GMDS: variants seen among roughly 807,000 people sequenced by gnomAD.
The protein encoded by GMDS is GDP-mannose 4,6-dehydratase.
A neutral mutation model predicts 49.9 loss-of-function variants in GMDS; 20 were observed. That is an observed-to-expected ratio of 0.40 (90% CI 0.28 to 0.58). The LOEUF (loss-of-function observed/expected upper bound fraction) is 0.58. GMDS is among the 20% of genes least tolerant of loss of function. The pLI is 0.42. For missense variants in GMDS, 362 were observed against 481.4 expected (o/e 0.75, Z 2.32); for synonymous variants, 177 against 178.6 (o/e 0.99, Z 0.07).
intron 9 of GMDS, among the ~76,000 whole-genome samples, chr6:1,659,710 T>C (rs1317594730): frequency 6.6e-6 from 1 of 152,050 alleles, no homozygotes; most frequent in Admixed American, 6.5e-5. Flanking sequence ...CAGAGGACAC[T>C]TTTCACCCTG....
At chr6:1,825,077 T>C (rs1185843489) in intron 7 of GMDS, among the ~76,000 whole-genome samples, 1 of 152,218 alleles carries the variant, frequency 6.6e-6, no homozygotes, top group Non-Finnish European at 1.5e-5. Context: ...GTGGAAGAAC[T>C]ACAGAGATGT....
chr6:2,225,571 T>C (rs545479613), intron 1 of GMDS, among the ~76,000 whole-genome samples: 1 of 152,284 alleles, frequency 6.6e-6, no homozygotes, highest in Middle Eastern at 3.4e-3. Flanking sequence ...GACGAATCAT[T>C]TGCCAACCCT....
rs778414818 is a variant in GMDS at position 1,766,144 on chromosome 6, G to A, written c.772-23558C>T. On this transcript the variant is annotated intron_variant, in intron 7 of 10. Transcript: ENST00000380815. This position sits in a 1 kb window ranked among gnomAD's most constrained non-coding sequence, Gnocchi z 4.5. ...AGGATGATTCATGGATTCGCTGCCC[G>A]TCTGTTTAAATGTAATACTCTTTCA... Among the ~76,000 whole-genome samples the A allele has an allele frequency of 7.9e-4, 121 of 152,284 alleles. No individual in the cohort carries two copies. Among genetic ancestry groups the A allele is most frequent in the Non-Finnish European group, 1.5e-3 (103 of 68,030 alleles).
intron 1 of GMDS, 61 bp from the exon 2 acceptor site, chr6:2,124,792 G>A (rs1336974003): frequency 1.5e-6 from 2 of 1,303,630 alleles, no homozygotes; most frequent in Admixed American, 1.8e-5. Flanking sequence ...AGGTGGTCTA[G>A]ATGAAGAGTT....
chr6:2,119,285 T>G (rs1400980796), intron 2 of GMDS, among the ~76,000 whole-genome samples: 1 of 152,186 alleles, frequency 6.6e-6, no homozygotes, highest in Admixed American at 6.5e-5. Flanking sequence ...TAAATGATTT[T>G]GATGCATTCC....
intron 1 of GMDS, among the ~76,000 whole-genome samples, chr6:2,209,423 G>A (rs1209698234): frequency 6.6e-6 from 1 of 152,216 alleles, no homozygotes; most frequent in Non-Finnish European, 1.5e-5. Context: ...CCTTCCCCCT[G>A]CAGGGGGAGT....
intron 1 of GMDS, among the ~76,000 whole-genome samples, chr6:2,169,305 T>A (rs1039693047): frequency 6.6e-6 from 1 of 151,656 alleles, no homozygotes; most frequent in Admixed American, 6.6e-5. Flanking sequence ...TAAGAAAGAG[T>A]TCCTTCAACA....
chr6:1,928,225 C>T (rs1286670426), intron 7 of GMDS, among the ~76,000 whole-genome samples: 2 of 151,994 alleles, frequency 1.3e-5, no homozygotes, highest in Non-Finnish European at 2.9e-5. Context: ...ATTAGCTGGG[C>T]GTCGTGGTAC....
At chr6:1,753,038 T>C (rs865912181) in intron 7 of GMDS, among the ~76,000 whole-genome samples, 22 of 152,288 alleles carry the variant, frequency 1.4e-4, no homozygotes, top group South Asian at 6.2e-4. Context: ...ATAACAATAG[T>C]AACCTTAAAT....
At chr6:1,776,848 CA>C in intron 7 of GMDS, among the ~76,000 whole-genome samples, 1 of 152,236 alleles carries the variant, frequency 6.6e-6, no homozygotes, top group South Asian at 2.1e-4. Context: ...GACCATTAAA[CA>C]GGAAATGCGC....
At chr6:2,109,955 C>A (rs1286050315) in intron 4 of GMDS, among the ~76,000 whole-genome samples, 1 of 152,196 alleles carries the variant, frequency 6.6e-6, no homozygotes, top group Non-Finnish European at 1.5e-5. Flanking sequence ...CTTTCCTGCT[C>A]TACTCACACC....
At chr6:2,011,713 G>A (rs1050285099) in intron 4 of GMDS, among the ~76,000 whole-genome samples, 4 of 152,274 alleles carry the variant, frequency 2.6e-5, no homozygotes, top group South Asian at 2.1e-4. Flanking sequence ...CAAGGAGTTC[G>A]TGACCATCCT....
intron 7 of GMDS, among the ~76,000 whole-genome samples, chr6:1,782,897 T>C (rs1769165339): frequency 6.6e-6 from 1 of 152,230 alleles, no homozygotes; most frequent in Admixed American, 6.5e-5. Flanking sequence ...CTCATGCCTG[T>C]AATCCCAAAA....
chr6:1,999,991 ATATAT>A lies in GMDS; in HGVS notation c.346-39030_346-39026del, dbSNP rs1385978734. Among the ~76,000 whole-genome samples the A allele has an allele frequency of 1.3e-3, 21 of 15,992 alleles. 2 individuals carry two copies. The highest frequency in any genetic ancestry group is 2.4e-3 in the Non-Finnish European group (17 of 7,224). The allele number at this position is 15,992 out of a possible 152,430, so 10.5% of individuals were successfully genotyped here. A position where few individuals can be genotyped will look rare whatever the true frequency, so the allele number is the denominator to read the frequency against. On this transcript the variant is annotated intron_variant, in intron 4 of 10. Transcript: ENST00000380815. ...TATATTATATATATATTTTATATATATATATTATATATATATATTTTTTATATATA... is the reference window on the plus strand; with the variant it reads ...TATATTATATATATATTTTATATATATATATATATATATTTTTTATATATA...
At chr6:2,129,648 C>T (rs191362067) in intron 1 of GMDS, among the ~76,000 whole-genome samples, 2 of 152,282 alleles carry the variant, frequency 1.3e-5, no homozygotes, top group East Asian at 1.9e-4. Flanking sequence ...TCTTTAACTC[C>T]ATGTTGTCTA....
At chr6:1,764,929 T>C (rs1768291002) in intron 7 of GMDS, among the ~76,000 whole-genome samples, 1 of 152,184 alleles carries the variant, frequency 6.6e-6, no homozygotes, top group East Asian at 1.9e-4. Flanking sequence ...TATAGGTAGA[T>C]AGTTCAGAGG....
intron 8 of GMDS, among the ~76,000 whole-genome samples, chr6:1,741,827 A>G (rs1335047417): frequency 2.7e-5 from 4 of 150,640 alleles, no homozygotes; most frequent in Admixed American, 1.3e-4. Flanking sequence ...AAAAAAAAAA[A>G]AAAAAAAAAA....
chr6:1,849,453 C>A (rs1273129513), intron 7 of GMDS, among the ~76,000 whole-genome samples: 1 of 152,150 alleles, frequency 6.6e-6, no homozygotes, highest in Non-Finnish European at 1.5e-5. Context: ...GATGCTCTTT[C>A]TTAAAGGAGG....
rs144006335 is a variant in GMDS at position 1,681,793 on chromosome 6, G to A, written c.987+44623C>T. Among the ~76,000 whole-genome samples, 1,496 of 152,324 alleles carry A rather than the reference G, an allele frequency of 9.8e-3. 32 individuals are homozygous for A. The highest frequency in any genetic ancestry group is 0.035 in the African/African-American group (1,435 of 41,568). On this transcript the variant is annotated intron_variant, in intron 9 of 10. Coordinates refer to ENST00000380815, the MANE Select transcript of GMDS (RefSeq NM_001500.4). ...CACTGCAGTTTTGACCTCCCTGCAC[G>A]CTGGTGATCCTCCCATTTCAGCCTC...
Sources: gnomAD v4.1 joint callset for allele counts (sites outside exome capture counted in the v4.1 genomes callset) on GRCh38, gnomAD v4.1.1 for gene constraint, Gnocchi (gnomAD v3.1) non-coding constraint, MANE v1.5 for transcripts, NCBI Gene and HGNC (gene_info 2026-07-23, HGNC 2026-07-21) for gene names.